ROBO2: variants seen among roughly 807,000 people sequenced by gnomAD.
ROBO2 encodes the protein roundabout guidance receptor 2.
In ROBO2, 53 loss-of-function variants were observed where a neutral mutation model predicts 160.8. The ratio of observed to expected loss-of-function variants is 0.33; its 90% CI spans 0.26 to 0.41. The LOEUF (loss-of-function observed/expected upper bound fraction) is 0.41, where lower values mean the gene tolerates loss of function less well. Among genes scored for constraint, ROBO2 ranks in the 10% least tolerant of loss-of-function variants. The pLI, the probability that ROBO2 is intolerant of heterozygous loss-of-function variation, is 1.00. For missense variants in ROBO2, 1,577 were observed against 1,722.4 expected (o/e 0.92, Z 1.49); for synonymous variants, 664 against 611.7 (o/e 1.09, Z -1.26).
At chr3:77,514,515 A>G (rs913007617) in intron 5 of ROBO2, among the ~76,000 whole-genome samples, 1 of 151,808 alleles carries the variant, frequency 6.6e-6, no homozygotes, top group African/African-American at 2.4e-5. Flanking sequence ...TGTTAGAAAA[A>G]TAAATGTACT....
At chr3:77,398,238 C>T (rs2075460217) in intron 2 of ROBO2, among the ~76,000 whole-genome samples, 1 of 152,066 alleles carries the variant, frequency 6.6e-6, no homozygotes, top group African/African-American at 2.4e-5. Context: ...GAGAGGATTT[C>T]AGGGAACATG....
At chr3:77,405,897 T>C (rs2076215355) in intron 2 of ROBO2, among the ~76,000 whole-genome samples, 1 of 152,188 alleles carries the variant, frequency 6.6e-6, no homozygotes, top group African/African-American at 2.4e-5. Context: ...GATCCCTGTA[T>C]GTCATGAAAA....
At chr3:76,073,444 C>T (rs981112092) in intron 2 of ROBO2, among the ~76,000 whole-genome samples, 59 of 150,988 alleles carry the variant, frequency 3.9e-4, no homozygotes, top group Non-Finnish European at 7.7e-4. Flanking sequence ...AGGCGCCGCC[C>T]CCACGCCCGG....
intron 2 of ROBO2, among the ~76,000 whole-genome samples, chr3:75,999,852 C>A (rs1259315805): frequency 1.3e-5 from 2 of 152,160 alleles, no homozygotes; most frequent in African/African-American, 2.4e-5. Context: ...AGACCTTAAA[C>A]TCATCATGTT....
chr3:76,260,638 C>A (rs189087115), intron 2 of ROBO2, among the ~76,000 whole-genome samples: 15 of 152,092 alleles, frequency 9.9e-5, no homozygotes, highest in Non-Finnish European at 1.8e-4. Flanking sequence ...AAGATAAAAT[C>A]AGGATTTATA....
At chr3:76,035,352 C>G (rs2067070984) in intron 2 of ROBO2, among the ~76,000 whole-genome samples, 1 of 151,910 alleles carries the variant, frequency 6.6e-6, no homozygotes. Context: ...AAGACAGATG[C>G]ATAAGTATTA....
chr3:77,277,644 T>C (rs111267528), intron 2 of ROBO2, among the ~76,000 whole-genome samples: 7 of 152,334 alleles, frequency 4.6e-5, no homozygotes, highest in African/African-American at 1.2e-4. Context: ...TGTTCCTTTT[T>C]ATGGCTGCAT....
intron 2 of ROBO2, among the ~76,000 whole-genome samples, chr3:76,767,620 T>A (rs1317211040): frequency 6.6e-6 from 1 of 151,550 alleles, no homozygotes; most frequent in African/African-American, 2.4e-5. Flanking sequence ...ACAACCTCCA[T>A]AAAGAAAAGT....
chr3:77,323,650 A>C (rs868375504), intron 2 of ROBO2, among the ~76,000 whole-genome samples: 36 of 152,148 alleles, frequency 2.4e-4, no homozygotes, highest in Middle Eastern at 3.2e-3. Flanking sequence ...AATTTCTTAG[A>C]TAAATGGGCA....
intron 2 of ROBO2, among the ~76,000 whole-genome samples, chr3:76,946,897 A>T (rs1022655592): frequency 1.3e-5 from 2 of 152,156 alleles, no homozygotes; most frequent in Admixed American, 6.5e-5. Context: ...GATAGGGCTA[A>T]TTTTATTTTA....
intron 5 of ROBO2, among the ~76,000 whole-genome samples, chr3:77,506,756 T>A (rs2088592707): frequency 6.6e-6 from 1 of 152,162 alleles, no homozygotes; most frequent in Non-Finnish European, 1.5e-5. Context: ...ATTGCTCAAG[T>A]AGTTATTTTA....
At chr3:76,295,745 A>G (rs972934535) in intron 2 of ROBO2, among the ~76,000 whole-genome samples, 4 of 152,196 alleles carry the variant, frequency 2.6e-5, no homozygotes, top group African/African-American at 9.7e-5. Context: ...TTACCACTTA[A>G]GTGGTGTCCC....
At chr3:77,446,371 A>G (rs551472628) in intron 2 of ROBO2, among the ~76,000 whole-genome samples, 12 of 152,166 alleles carry the variant, frequency 7.9e-5, no homozygotes, top group East Asian at 7.7e-4. Context: ...TTTGAAACCA[A>G]TAACAATTTG....
chr3:76,955,309 G>A (rs1052884480), intron 2 of ROBO2, among the ~76,000 whole-genome samples: 3 of 152,044 alleles, frequency 2.0e-5, no homozygotes, highest in Non-Finnish European at 4.4e-5. Flanking sequence ...TATGAATAAT[G>A]CTGCAAGAAA....
intron 2 of ROBO2, among the ~76,000 whole-genome samples, chr3:77,030,102 G>A (rs895443684): frequency 6.6e-6 from 1 of 151,828 alleles, no homozygotes; most frequent in African/African-American, 2.4e-5. Context: ...CCGCCACCAC[G>A]CCCGGCTAAT....
chr3:76,324,237 A>C (rs2072823788), intron 2 of ROBO2, among the ~76,000 whole-genome samples: 2 of 152,310 alleles, frequency 1.3e-5, no homozygotes, highest in Admixed American at 6.5e-5. Flanking sequence ...AAAAAGAAAA[A>C]AGGTCACTTT....
At chr3:76,193,238 C>A (rs1702098007) in intron 2 of ROBO2, among the ~76,000 whole-genome samples, 1 of 152,170 alleles carries the variant, frequency 6.6e-6, no homozygotes, top group South Asian at 2.1e-4. Context: ...CAATTAAAGT[C>A]TTTGTATTTG....
intron 2 of ROBO2, among the ~76,000 whole-genome samples, chr3:76,984,171 A>T (rs1559800140): frequency 6.6e-6 from 1 of 152,154 alleles, no homozygotes; most frequent in Non-Finnish European, 1.5e-5. Flanking sequence ...TCTGGGGATT[A>T]CAATTCAAAA....
intron 2 of ROBO2, among the ~76,000 whole-genome samples, chr3:76,709,878 G>T (rs1344095382): frequency 6.6e-6 from 1 of 152,168 alleles, no homozygotes; most frequent in Non-Finnish European, 1.5e-5. Context: ...ATGTGGGGCT[G>T]CCTCTCAGCC....
Sources: allele counts gnomAD v4.1 joint callset (sites outside exome capture counted in the v4.1 genomes callset), GRCh38; gene constraint gnomAD v4.1.1; transcripts MANE v1.5; gene names NCBI Gene and HGNC (gene_info 2026-07-23, HGNC 2026-07-21).